Variants in PCSK5 observed in about 807,000 individuals in gnomAD.
PCSK5 encodes the protein prohormone convertase 5.
Under a neutral mutation model 233.2 loss-of-function variants are expected in PCSK5, and 129 were observed. That is an observed-to-expected ratio of 0.55 (90% confidence interval 0.48 to 0.64). The LOEUF (loss-of-function observed/expected upper bound fraction) is 0.64. Ranked by LOEUF, PCSK5 falls within the 30% of genes least tolerant of loss-of-function variation. The pLI is 0.00. For synonymous variants in PCSK5, 825 were observed against 879.2 expected, an observed-to-expected ratio of 0.94 and a Z score of 1.09; for missense variants, 2,076 against 2,430.1, an observed-to-expected ratio of 0.85 and a Z score of 3.06.
intron 3 of PCSK5, among the ~76,000 whole-genome samples, chr9:75,995,848 A>G (rs906334121): frequency 6.6e-6 from 1 of 151,998 alleles, no homozygotes; most frequent in African/African-American, 2.4e-5. Context: ...AAAGTCAACA[A>G]TATTTCATAA....
chr9:76,147,773 G>A (rs1483224433), intron 10 of PCSK5, among the ~76,000 whole-genome samples: 2 of 152,140 alleles, frequency 1.3e-5, no homozygotes, highest in African/African-American at 4.8e-5. Flanking sequence ...CTCAAATTGT[G>A]TTTTTCCTGC....
chr9:75,935,933 A>G (rs1349633746), intron 2 of PCSK5, among the ~76,000 whole-genome samples: 1 of 152,158 alleles, frequency 6.6e-6, no homozygotes, highest in Non-Finnish European at 1.5e-5. Flanking sequence ...TCTCTACTTT[A>G]AAATTACTAC....
chr9:75,922,606 T>A (rs1323947273), intron 1 of PCSK5, among the ~76,000 whole-genome samples: 1 of 152,162 alleles, frequency 6.6e-6, no homozygotes. Context: ...CTAGGCTAAT[T>A]ACTGGGAAGA....
Position 76,280,723 on chromosome 9 carries a change from C to T in PCSK5, c.3143-11510C>T, listed in dbSNP as rs535044386. Among the ~76,000 whole-genome samples the T allele has an allele frequency of 1.5e-4, 23 of 151,926 alleles. No homozygotes were observed. The East Asian group carries it at 3.9e-3, about 26-fold the overall frequency. Reference sequence around the variant, plus strand: ...TGCACTCCAGCCTGAGTGACAGAGCCAGACTCTGTCTCAAAAAAACAATAA... The same window carrying T: ...TGCACTCCAGCCTGAGTGACAGAGCTAGACTCTGTCTCAAAAAAACAATAA... On this transcript the variant is annotated intron_variant, in intron 24 of 37. Coordinates refer to ENST00000674117, the MANE Select transcript of PCSK5 (RefSeq NM_001372043.1).
chr9:76,338,914 T>G (rs1829755865), intron 35 of PCSK5, among the ~76,000 whole-genome samples: 1 of 152,088 alleles, frequency 6.6e-6, no homozygotes, highest in African/African-American at 2.4e-5. Flanking sequence ...TCCTTGACTC[T>G]TCTCCTTCCC....
intron 13 of PCSK5, 74 bp from the exon 14 acceptor site, chr9:76,174,912 G>A (rs377161050): frequency 1.5e-6 from 2 of 1,379,182 alleles, no homozygotes; most frequent in Non-Finnish European, 2.0e-6. Flanking sequence ...TCTTGAGTGA[G>A]AAGGACTTAA....
At chr9:76,307,098 T>C (rs1828726366) in intron 28 of PCSK5, among the ~76,000 whole-genome samples, 1 of 126,882 alleles carries the variant, frequency 7.9e-6, no homozygotes, top group African/African-American at 3.0e-5. Flanking sequence ...TCTCATTTAG[T>C]CTTCACAACA....
At chr9:75,912,183 G>A (rs537043433) in intron 1 of PCSK5, among the ~76,000 whole-genome samples, 13 of 152,140 alleles carry the variant, frequency 8.5e-5, no homozygotes, top group African/African-American at 2.7e-4. Context: ...GGAAGTCTTC[G>A]TGGAGAAGGT....
At chr9:75,964,178 G>A (rs10781320) in intron 2 of PCSK5, among the ~76,000 whole-genome samples, 80,773 of 151,906 alleles carry the variant, frequency 0.53, 22,319 homozygotes, top group East Asian at 0.8. Context: ...AAGAGAACAT[G>A]CTCAATTGTG....
At position 76,044,256 on chromosome 9, in the gene PCSK5, A is replaced by T. The variant is rs544637867; in HGVS notation, c.632+17219A>T. Among the ~76,000 whole-genome samples, 220 of 152,322 alleles carry T rather than the reference A, an allele frequency of 1.4e-3. 1 individual carries two copies. Among genetic ancestry groups the T allele is most frequent in the African/African-American group, 5.1e-3 (211 of 41,580 alleles). ...TTAAAAATCAGGAATATGAATAGTAAATGAGTTGGCATGTATTCATGGTAG... is the reference window on the plus strand; with the variant it reads ...TTAAAAATCAGGAATATGAATAGTATATGAGTTGGCATGTATTCATGGTAG... On this transcript the variant is annotated intron_variant, in intron 5 of 37. Coordinates refer to ENST00000674117, the MANE Select transcript of PCSK5 (RefSeq NM_001372043.1).
At chr9:76,124,553 C>T (rs1832766438) in intron 9 of PCSK5, among the ~76,000 whole-genome samples, 1 of 130,744 alleles carries the variant, frequency 7.6e-6, no homozygotes, top group South Asian at 2.5e-4. Flanking sequence ...ACGATCGTCC[C>T]GGCCAACATG....
chr9:75,891,210 C>G lies in PCSK5; in HGVS notation c.29C>G (p.Pro10Arg). Residue 10 changes from proline to arginine, a missense_variant, in exon 1 of 38, where the codon CCG (proline) becomes CGG (arginine). By Grantham distance (103) the Pro-to-Arg change is moderately radical. Around this residue, in one of 6 missense-constraint regions of PCSK5, gnomAD observed 190 missense variants for 216.3 expected, o/e 0.88. Transcript: ENST00000674117. MGWGSRCCCPGRLDLLCVLA... is the reference protein window; with the variant it reads MGWGSRCCCRGRLDLLCVLA... The stretch of plus-strand genomic sequence containing the variant: ...GGCTGGGGGAGCCGCTGCTGCTGCC[C>G]GGGACGTTTGGACCTGCTGTGCGTG... 6.7e-7 allele frequency: 1 copy of G among 1,493,728 alleles called. No individual in the cohort carries two copies. 92.5% of individuals were successfully genotyped at this position (1,493,728 alleles called of 1,614,324 possible).
At chr9:76,096,396 G>A (rs1831515019) in intron 8 of PCSK5, among the ~76,000 whole-genome samples, 1 of 152,134 alleles carries the variant, frequency 6.6e-6, no homozygotes, top group Non-Finnish European at 1.5e-5. Flanking sequence ...TGAGTTAGTG[G>A]CAGAGAAGAG....
chr9:76,110,016 C>T (rs1832145085), intron 9 of PCSK5, among the ~76,000 whole-genome samples: 1 of 152,198 alleles, frequency 6.6e-6, no homozygotes, highest in African/African-American at 2.4e-5. Flanking sequence ...ATGTGCCTCA[C>T]TCATTTACCC....
intron 24 of PCSK5, among the ~76,000 whole-genome samples, chr9:76,275,026 C>T (rs1217071744): frequency 6.6e-6 from 1 of 152,098 alleles, no homozygotes; most frequent in Non-Finnish European, 1.5e-5. Context: ...GACAGCACCA[C>T]CCCATGCATG....
At chr9:76,126,181 ATGTGTG>A (rs71499131) in intron 9 of PCSK5, among the ~76,000 whole-genome samples, 4 of 150,558 alleles carry the variant, frequency 2.7e-5, no homozygotes, top group Non-Finnish European at 4.4e-5. Flanking sequence ...GTGTGTGTGT[ATGTGTG>A]TGTGTGTGTG....
intron 1 of PCSK5, 48 bp from the exon 2 acceptor site, chr9:75,932,331 A>G: frequency 9.0e-7 from 1 of 1,115,220 alleles, no homozygotes; most frequent in South Asian, 1.4e-5. Flanking sequence ...CGGTTTTCAC[A>G]CATTAATGTC....
At chr9:75,921,866 A>C (rs1303886555) in intron 1 of PCSK5, among the ~76,000 whole-genome samples, 1 of 152,220 alleles carries the variant, frequency 6.6e-6, no homozygotes, top group African/African-American at 2.4e-5. Flanking sequence ...AATAACTGTT[A>C]TAAACATACT....
intron 3 of PCSK5, among the ~76,000 whole-genome samples, chr9:76,007,983 T>C (rs1827557380): frequency 6.6e-6 from 1 of 152,078 alleles, no homozygotes; most frequent in Non-Finnish European, 1.5e-5. Flanking sequence ...TCTAATTTGC[T>C]CCTTCACTCC....
Sources: allele counts gnomAD v4.1 joint callset (sites outside exome capture counted in the v4.1 genomes callset), GRCh38; gene constraint gnomAD v4.1.1; regional missense constraint gnomAD v4.1.1; transcripts MANE v1.5; gene names NCBI Gene and HGNC (gene_info 2026-07-23, HGNC 2026-07-21).